Variants in SPATA13 observed in about 807,000 individuals in gnomAD.
SPATA13 encodes the protein spermatogenesis associated 13, also known as spermatogenesis-associated protein 13.
A neutral mutation model predicts 104.0 loss-of-function variants in SPATA13; 50 were observed. The ratio of observed to expected loss-of-function variants is 0.48; its 90% CI spans 0.38 to 0.61. The LOEUF (loss-of-function observed/expected upper bound fraction) is 0.61. Among genes scored for constraint, SPATA13 ranks in the 20% least tolerant of loss-of-function variants. SPATA13 has a pLI of 0.00. For synonymous variants in SPATA13, 606 were observed against 667.5 expected (o/e 0.91, Z 1.42); for missense variants, 1,524 against 1,690.6 (o/e 0.90, Z 1.73).
intron 3 of SPATA13, among the ~76,000 whole-genome samples, chr13:24,086,175 G>T (rs1319002185): frequency 1.3e-5 from 2 of 152,140 alleles, no homozygotes; most frequent in Non-Finnish European, 2.9e-5. Flanking sequence ...ATCAGATTTG[G>T]CAAATAAAAA....
chr13:24,292,766 A>T (rs984489269), intron 9 of SPATA13, among the ~76,000 whole-genome samples: 1 of 151,994 alleles, frequency 6.6e-6, no homozygotes, highest in African/African-American at 2.4e-5. Context: ...GGGAGGCCGA[A>T]ACGGGTGGAT....
At chr13:24,075,645 T>C (rs1459015864) in intron 3 of SPATA13, among the ~76,000 whole-genome samples, 1 of 152,226 alleles carries the variant, frequency 6.6e-6, no homozygotes, top group Non-Finnish European at 1.5e-5. Context: ...CTTATCCCGC[T>C]TTTTAAAAGT....
At chr13:24,059,661 T>C (rs908244363) in intron 3 of SPATA13, among the ~76,000 whole-genome samples, 1 of 152,246 alleles carries the variant, frequency 6.6e-6, no homozygotes, top group Non-Finnish European at 1.5e-5. Context: ...GTGTCCATTT[T>C]ATAATTGAAA....
intron 3 of SPATA13, among the ~76,000 whole-genome samples, chr13:24,073,000 A>G (rs564313551): frequency 3.3e-5 from 5 of 152,218 alleles, no homozygotes; most frequent in South Asian, 2.1e-4. Flanking sequence ...CCTGTCCAAC[A>G]TTGATCCCGT....
intron 1 of SPATA13, among the ~76,000 whole-genome samples, chr13:24,199,841 T>C (rs1870299738): frequency 6.6e-6 from 1 of 152,256 alleles, no homozygotes; most frequent in South Asian, 2.1e-4. Context: ...AAGCCATATG[T>C]AAGTAATTGT....
rs371041792 is a variant in SPATA13, at chr13:24,290,795, C to T, written c.2991C>T (p.Ile997=). The change falls in exon 9 of 13, where the codon ATC becomes ATT. Residue 997 remains isoleucine (I), a synonymous_variant. Coordinates refer to ENST00000382108, the MANE Select transcript of SPATA13 (RefSeq NM_001166271.3). ...TGCAGCAGATGATTGACATCGCCATCGACGGGTTCCTGCTCACACCAGTGC... is the reference window on the plus strand; with the variant it reads ...TGCAGCAGATGATTGACATCGCCATTGACGGGTTCCTGCTCACACCAGTGC... The part of the protein sequence containing the change: ...RLLQQMIDIA[I]DGFLLTPVQK... 127 of 1,614,202 alleles carry T rather than the reference C, an allele frequency of 7.9e-5. No homozygotes were observed. The highest frequency in any genetic ancestry group is 4.0e-4 in the African/African-American group (30 of 75,056).
chr13:24,044,479 C>T (rs1342740877), intron 3 of SPATA13, among the ~76,000 whole-genome samples: 1 of 152,156 alleles, frequency 6.6e-6, no homozygotes, highest in East Asian at 1.9e-4. Context: ...GATCCGCCCA[C>T]CTCGGCCTCC....
chr13:24,271,006 T>C, intron 4 of SPATA13: 1 of 829,690 alleles, frequency 1.2e-6, no homozygotes, highest in Admixed American at 1.9e-5. Context: ...TCTCTCTCTC[T>C]CTCCACTCTC....
chr13:24,236,708 C>A (rs952668673), intron 2 of SPATA13, among the ~76,000 whole-genome samples: 1 of 151,706 alleles, frequency 6.6e-6, no homozygotes, highest in African/African-American at 2.4e-5. Flanking sequence ...CTACTTCACA[C>A]CCATTAGAAT....
In SPATA13 at chr13:24,145,565, T is replaced by C. The variant is rs563911028; in HGVS notation, c.-111-77254T>C. Among the ~76,000 whole-genome samples the C allele has an allele frequency of 3.5e-4, 53 of 152,272 alleles. No individual in the cohort carries two copies. In the South Asian group the frequency reaches 8.1e-3, roughly 23 times the overall value. On this transcript the variant is annotated intron_variant, in intron 3 of 14. Transcript: ENST00000424834. ...AGTAAGAAGAGTCAGAGGGGTGGCA[T>C]TGGTGCCTGAATAACAGCATTTGTG... is the stretch of plus-strand genomic sequence containing the variant.
rs370105491 is a variant in SPATA13, at chr13:24,190,348, ATAT to A, written c.-112+29420_-112+29422del. 2.2e-3 allele frequency among the ~76,000 whole-genome samples: 14 copies of A among 6,394 alleles called. 5 individuals carry two copies. The highest frequency in any genetic ancestry group is 2.2e-3 in the African/African-American group (14 of 6,236). The allele number at this position is 6,394 out of a possible 152,430, so 4.2% of individuals were successfully genotyped here. On this transcript the variant is annotated intron_variant, in intron 1 of 12. Coordinates refer to ENST00000382108, the MANE Select transcript of SPATA13 (RefSeq NM_001166271.3). ...TATATATTATTATATATAATATATA[ATAT>A]TATATATTATTATATATAATATATA...
intron 1 of SPATA13, among the ~76,000 whole-genome samples, chr13:24,192,776 C>G (rs554237659): frequency 6.6e-6 from 1 of 152,158 alleles, no homozygotes; most frequent in South Asian, 2.1e-4. Context: ...GGAGACAGAT[C>G]TTGAAGATCT....
chr13:24,015,369 C>G (rs1198852991), intron 2 of SPATA13, among the ~76,000 whole-genome samples: 6 of 152,124 alleles, frequency 3.9e-5, no homozygotes, highest in African/African-American at 1.4e-4. Flanking sequence ...AGCAATTTAC[C>G]TTTTGCTGAG....
At chr13:24,054,362 T>A (rs1349493877) in intron 3 of SPATA13, among the ~76,000 whole-genome samples, 3 of 152,210 alleles carry the variant, frequency 2.0e-5, no homozygotes, top group Non-Finnish European at 2.9e-5. Context: ...TGTCCAAGTA[T>A]CCAAGTGGGA....
At chr13:24,073,744 A>T (rs1026268460) in intron 3 of SPATA13, among the ~76,000 whole-genome samples, 2 of 152,230 alleles carry the variant, frequency 1.3e-5, no homozygotes, top group African/African-American at 4.8e-5. Context: ...TTTTAAATAA[A>T]CTTCTCTCCT....
intron 1 of SPATA13, among the ~76,000 whole-genome samples, chr13:24,191,451 T>C (rs761882705): frequency 4.0e-5 from 6 of 151,254 alleles, no homozygotes; most frequent in Non-Finnish European, 7.4e-5. Context: ...AAACCTGCAA[T>C]ATCTCCCAAG....
At chr13:24,039,785 T>C (rs756534711) in intron 3 of SPATA13, among the ~76,000 whole-genome samples, 16 of 152,190 alleles carry the variant, frequency 1.1e-4, no homozygotes, top group Non-Finnish European at 1.9e-4. Flanking sequence ...TTGTTTTGTG[T>C]ACCAGAACTT....
At chr13:24,091,721 G>A (rs1206001370) in intron 3 of SPATA13, among the ~76,000 whole-genome samples, 2 of 152,234 alleles carry the variant, frequency 1.3e-5, no homozygotes, top group Non-Finnish European at 2.9e-5. Flanking sequence ...TGAGGCAGGA[G>A]AATCGCTTGA....
chr13:24,249,985 A>G (rs1396682793), intron 3 of SPATA13, 143 bp downstream of exon 3: 2 of 1,127,392 alleles, frequency 1.8e-6, no homozygotes. Context: ...TTTCTTCCTG[A>G]CTGTGTGAAA....
Sources: gnomAD v4.1 joint callset for allele counts (sites outside exome capture counted in the v4.1 genomes callset) on GRCh38, gnomAD v4.1.1 for gene constraint, MANE v1.5 for transcripts, NCBI Gene and HGNC (gene_info 2026-07-23, HGNC 2026-07-21) for gene names.